TNNT3: variants seen among roughly 807,000 people sequenced by gnomAD.
TNNT3 encodes troponin T, fast skeletal muscle.
Under a neutral mutation model 54.2 loss-of-function variants are expected in TNNT3, and 36 were observed. That is an observed-to-expected ratio of 0.66 (90% confidence interval 0.51 to 0.88). The LOEUF (loss-of-function observed/expected upper bound fraction) is 0.88, where lower values mean the gene tolerates loss of function less well. TNNT3 is among the 40% of genes least tolerant of loss of function. The probability of loss-of-function intolerance (pLI) is 0.00; values close to 1 mark genes in which losing one functional copy is unlikely to be tolerated. For synonymous variants in TNNT3, 120 were observed against 109.7 expected (o/e 1.09, Z -0.59); for missense variants, 291 against 331.6 (o/e 0.88, Z 0.95).
intron 6 of TNNT3, 141 bp from the exon 7 acceptor site, chr11:1,928,979 C>A (rs567615317): frequency 2.0e-6 from 2 of 1,019,534 alleles, no homozygotes; most frequent in Non-Finnish European, 1.5e-6. Flanking sequence ...TGTAGGGCCC[C>A]GCAGGCACAC....
chr11:1,929,054 C>G, intron 6 of TNNT3, 66 bp from the exon 7 acceptor site: 1 of 1,595,618 alleles, frequency 6.3e-7, no homozygotes, highest in South Asian at 1.1e-5. Flanking sequence ...CCCTTGCCCA[C>G]TGCTCCCCCG....
At chr11:1,929,885 C>T in intron 8 of TNNT3, 57 bp downstream of exon 8, 1 of 1,538,918 alleles carries the variant, frequency 6.5e-7, no homozygotes, top group Non-Finnish European at 8.8e-7. Context: ...TGGGGGTGGT[C>T]AAGTGAGTGT....
Position 1,922,886 on chromosome 11 carries a change from G to A in TNNT3, c.12G>A (p.Glu4=), listed in dbSNP as rs1850431427. 1.9e-6 allele frequency: 3 copies of A among 1,613,566 alleles called. No homozygotes were observed. Among genetic ancestry groups the A allele is most frequent in the Non-Finnish European group, 2.5e-6 (3 of 1,180,024 alleles). Residue 4 remains glutamate, a synonymous_variant, in exon 2 of 16, where the codon GAG becomes GAA. Coordinates refer to ENST00000278317, the MANE Select transcript of TNNT3 (RefSeq NM_006757.4). MSD[E]EVEQVEEQYE... ...CACCCACCTTCACCATGTCTGACGA[G>A]GAAGTGTGAGTACCCAGCTGGTGGC... is the stretch of plus-strand genomic sequence containing the variant.
chr11:1,928,851 G>A (rs1222780656), intron 6 of TNNT3: 2 of 525,618 alleles, frequency 3.8e-6, no homozygotes, highest in East Asian at 3.4e-5. Context: ...CTTGCCCCGC[G>A]AGGTCCCCGT....
At chr11:1,937,127 C>G (rs1420180383) in intron 15 of TNNT3, 124 bp downstream of exon 15, 1 of 1,062,616 alleles carries the variant, frequency 9.4e-7, no homozygotes, top group East Asian at 2.6e-5. Flanking sequence ...GAGACTAACC[C>G]GGCCAGGCCA....
At chr11:1,920,691 G>C (rs1395529213) in intron 1 of TNNT3, among the ~76,000 whole-genome samples, 3 of 152,164 alleles carry the variant, frequency 2.0e-5, no homozygotes. Flanking sequence ...GGAGGGAAAG[G>C]TGATGCATAC....
At chr11:1,923,351 GC>G (rs1240451006) in intron 3 of TNNT3, among the ~76,000 whole-genome samples, 3 of 151,820 alleles carry the variant, frequency 2.0e-5, no homozygotes, top group Non-Finnish European at 2.9e-5. Flanking sequence ...GGACCCCCGA[GC>G]CCCCCAAAAG....
chr11:1,932,063 C>T (rs891018112), intron 8 of TNNT3, among the ~76,000 whole-genome samples: 2 of 152,234 alleles, frequency 1.3e-5, no homozygotes, highest in African/African-American at 4.8e-5. Flanking sequence ...GGGAAAGGCA[C>T]AGGCTCGCAG....
Position 1,919,773 on chromosome 11 carries a change from G to C in TNNT3, c.-19+11G>C, listed in dbSNP as rs1460314576. On this transcript the variant is annotated intron_variant, in intron 1 of 15. Coordinates refer to ENST00000278317, the MANE Select transcript of TNNT3 (RefSeq NM_006757.4). ...ACACTCGACCCGCAGGTGGGTATAGGCAGGAGCGGCCACCCAGGACTGGGG... is the reference window on the plus strand; with the variant it reads ...ACACTCGACCCGCAGGTGGGTATAGCCAGGAGCGGCCACCCAGGACTGGGG... 1 of 152,276 alleles carries C rather than the reference G, an allele frequency of 6.6e-6. No homozygotes were observed. The highest frequency in any genetic ancestry group is 1.5e-5 in the Non-Finnish European group (1 of 68,096). The allele number at this position is 152,276 out of a possible 1,614,324, so 9.4% of individuals were successfully genotyped here.
intron 15 of TNNT3, among the ~76,000 whole-genome samples, chr11:1,937,724 C>T (rs1402285909): frequency 2.0e-5 from 3 of 152,222 alleles, no homozygotes; most frequent in African/African-American, 7.2e-5. Flanking sequence ...TTCCCTGCGG[C>T]GCCCAGGGCG....
At chr11:1,935,288 C>T (rs1300333956) in intron 14 of TNNT3, 2 of 356,850 alleles carry the variant, frequency 5.6e-6, no homozygotes, top group African/African-American at 2.1e-5. Context: ...CCAGCTCGGC[C>T]CCGGGGCACC....
At chr11:1,923,904 T>C (rs908009365) in intron 4 of TNNT3, among the ~76,000 whole-genome samples, 1 of 149,892 alleles carries the variant, frequency 6.7e-6, no homozygotes, top group Non-Finnish European at 1.5e-5. Flanking sequence ...GGGCTGGTCA[T>C]GAAGGCCTCA....
At chr11:1,924,795 G>A (rs1011752340) in intron 4 of TNNT3, 1 of 577,466 alleles carries the variant, frequency 1.7e-6, no homozygotes, top group Non-Finnish European at 3.1e-6. Context: ...GTGCACAGGC[G>A]CCTCCAGGCA....
intron 7 of TNNT3, 60 bp from the exon 8 acceptor site, chr11:1,929,750 G>T: frequency 6.5e-7 from 1 of 1,546,402 alleles, no homozygotes; most frequent in Non-Finnish European, 8.8e-7. Context: ...CACCCAGGCT[G>T]TCTCTCTCCC....
At chr11:1,926,251 C>A (rs1156295490) in intron 5 of TNNT3, among the ~76,000 whole-genome samples, 1 of 152,222 alleles carries the variant, frequency 6.6e-6, no homozygotes, top group African/African-American at 2.4e-5. Context: ...GTTTCCCCAC[C>A]TGGGGTGCTC....
intron 4 of TNNT3, among the ~76,000 whole-genome samples, chr11:1,924,579 A>T (rs1457679679): frequency 2.6e-5 from 4 of 152,196 alleles, no homozygotes. Context: ...GAAATATGGC[A>T]CTGGGGAGCC....
At chr11:1,922,645 C>T in intron 1 of TNNT3, 2 of 614,400 alleles carry the variant, frequency 3.3e-6, no homozygotes, top group South Asian at 1.9e-5. Flanking sequence ...GGGACAGAGT[C>T]TGGGGCGCCA....
chr11:1,925,583 C>T (rs1851356568), intron 5 of TNNT3, among the ~76,000 whole-genome samples: 1 of 152,062 alleles, frequency 6.6e-6, no homozygotes, highest in African/African-American at 2.4e-5. Context: ...AGAGGGGACA[C>T]GTAGGCCCAC....
rs1315839156 is a variant in TNNT3, at chr11:1,937,023, T to G, written c.722+20T>G. 1.3e-6 allele frequency: 2 copies of G among 1,583,638 alleles called. No individual in the cohort carries two copies. The highest frequency in any genetic ancestry group is 4.6e-5 in the East Asian group (2 of 43,540). On this transcript the variant is annotated intron_variant, in intron 15 of 15. Transcript: ENST00000278317. ...GAAGCAGTGAGTAGCCCTGCCGTCC[T>G]CGCTCCGCACTGGGCACAGGGGCCC... is the stretch of plus-strand genomic sequence containing the variant.
Sources: gnomAD v4.1 joint callset for allele counts (sites outside exome capture counted in the v4.1 genomes callset) on GRCh38, gnomAD v4.1.1 for gene constraint, MANE v1.5 for transcripts, NCBI Gene and HGNC (gene_info 2026-07-23, HGNC 2026-07-21) for gene names.